SGK1: variants seen among roughly 807,000 people sequenced by gnomAD.
SGK1 encodes serum/glucocorticoid regulated kinase 1.
SGK1 carries 26 observed loss-of-function variants against 64.2 expected under a neutral mutation model. The ratio of observed to expected loss-of-function variants is 0.40; its 90% confidence interval spans 0.30 to 0.56. SGK1 has a LOEUF of 0.56. SGK1 is among the 20% of genes least tolerant of loss of function. SGK1 has a pLI of 0.38. For synonymous variants in SGK1, 265 were observed against 239.7 expected, an observed-to-expected ratio of 1.11 and a Z score of -0.98; for missense variants, 519 against 645.6, an observed-to-expected ratio of 0.80 and a Z score of 2.12.
intron 2 of SGK1, among the ~76,000 whole-genome samples, chr6:134,226,880 G>T (rs1046619148): frequency 6.6e-6 from 1 of 151,816 alleles, no homozygotes; most frequent in Non-Finnish European, 1.5e-5. Flanking sequence ...TAGAGATGGG[G>T]TCTTGCTATT....
intron 2 of SGK1, among the ~76,000 whole-genome samples, chr6:134,248,616 T>G (rs1382749381): frequency 6.6e-6 from 1 of 151,958 alleles, no homozygotes; most frequent in Non-Finnish European, 1.5e-5. Flanking sequence ...GACGCCCAGA[T>G]AGTTTTTATA....
chr6:134,170,686 G>T, intron 13 of SGK1, 140 bp downstream of exon 13: 1 of 733,710 alleles, frequency 1.4e-6, no homozygotes, highest in Non-Finnish European at 2.3e-6. Flanking sequence ...ACAAAAATGT[G>T]CTTTTTATGT....
At chr6:134,227,740 G>T (rs910200750) in intron 2 of SGK1, among the ~76,000 whole-genome samples, 7 of 152,276 alleles carry the variant, frequency 4.6e-5, no homozygotes, top group Admixed American at 3.9e-4. Context: ...AGTAAATGCA[G>T]TTAGCTTTTA....
At chr6:134,246,146 C>CT (rs931845843) in intron 2 of SGK1, among the ~76,000 whole-genome samples, 3 of 151,068 alleles carry the variant, frequency 2.0e-5, no homozygotes, top group South Asian at 4.2e-4. Flanking sequence ...TGTTTCTTTT[C>CT]TTTTTTTTCT....
chr6:134,297,190 G>A, intron 1 of SGK1: 1 of 768,590 alleles, frequency 1.3e-6, no homozygotes, highest in South Asian at 1.3e-5. Flanking sequence ...GTCTTCGTAT[G>A]GATACTCACA....
Position 134,314,217 on chromosome 6 carries a change from A to G in SGK1, c.69+3175T>C, listed in dbSNP as rs532825909. ...CATCCGGACTGTCTTTCTTCAGATT[A>G]TGTTCCTAGAATCTGGGTTCCCCAG... is the stretch of plus-strand genomic sequence containing the variant. On this transcript the variant is annotated intron_variant, in intron 1 of 13. Transcript: ENST00000367858. Among the ~76,000 whole-genome samples, 73 of 152,194 alleles carry G rather than the reference A, an allele frequency of 4.8e-4. No homozygotes were observed. In the South Asian group the frequency reaches 8.3e-3, roughly 17 times the overall value.
chr6:134,283,873 CAAAAAAAAAAAAAAAAA>C lies in SGK1; in HGVS notation c.70-21742_70-21726del, dbSNP rs35999916. On this transcript the variant is annotated intron_variant, in intron 1 of 13. Transcript: ENST00000367858. ...ACAAGACGCTGTCCCCTGCCACCAC[CAAAAAAAAAAAAAAAAA>C]AAAAAAAAAAAAAAAAGCCTGACCA... Among the ~76,000 whole-genome samples, 5 of 26,152 alleles carry C rather than the reference CAAAAAAAAAAAAAAAAA, an allele frequency of 1.9e-4. No homozygotes were observed. The Admixed American group carries it at 2.8e-3, about 15-fold the overall frequency. The allele number at this position is 26,152 out of a possible 152,430, so 17.2% of individuals were successfully genotyped here. A position where few individuals can be genotyped will look rare whatever the true frequency, so the allele number is the denominator to read the frequency against.
chr6:134,174,877 G>A (rs1409344554), intron 3 of SGK1: 4 of 1,604,742 alleles, frequency 2.5e-6, no homozygotes, highest in African/African-American at 2.7e-5. Context: ...GCCAGGCCGC[G>A]CGCTCGGCCT....
intron 1 of SGK1, among the ~76,000 whole-genome samples, chr6:134,274,771 T>C (rs192484948): frequency 2.8e-4 from 42 of 151,644 alleles, no homozygotes; most frequent in African/African-American, 8.0e-4. Context: ...ATTCCTTAAA[T>C]GGTATTGCCC....
At chr6:134,315,120 T>C (rs1777659519) in intron 1 of SGK1, among the ~76,000 whole-genome samples, 1 of 152,118 alleles carries the variant, frequency 6.6e-6, no homozygotes, top group Non-Finnish European at 1.5e-5. Context: ...ACATATTGTT[T>C]AACTAAAAAC....
At chr6:134,241,498 GAT>G (rs1776445989) in intron 2 of SGK1, among the ~76,000 whole-genome samples, 1 of 151,488 alleles carries the variant, frequency 6.6e-6, no homozygotes, top group Non-Finnish European at 1.5e-5. Flanking sequence ...CTTTTGGTCT[GAT>G]CTATCTGGGG....
chr6:134,198,726 A>ATTT (rs1178699258), intron 3 of SGK1, among the ~76,000 whole-genome samples: 8 of 101,788 alleles, frequency 7.9e-5, no homozygotes, highest in African/African-American at 2.2e-4. Flanking sequence ...CTCTTTTTCT[A>ATTT]TTTTTTTTTT....
chr6:134,180,842 C>T (rs896691152), intron 3 of SGK1, among the ~76,000 whole-genome samples: 9 of 148,004 alleles, frequency 6.1e-5, no homozygotes, highest in Non-Finnish European at 1.0e-4. Context: ...ACTGCACTCT[C>T]GCCGGGGCAA....
intron 1 of SGK1, among the ~76,000 whole-genome samples, chr6:134,277,360 C>CA (rs894323656): frequency 2.0e-5 from 3 of 151,786 alleles, no homozygotes; most frequent in Admixed American, 1.3e-4. Flanking sequence ...ACCGAACCAA[C>CA]AAAAAAAGGA....
chr6:134,244,321 T>C (rs1017711843), intron 2 of SGK1, among the ~76,000 whole-genome samples: 2 of 152,230 alleles, frequency 1.3e-5, no homozygotes, highest in African/African-American at 2.4e-5. Flanking sequence ...TATGGCTGCA[T>C]AGTATTCCAT....
At chr6:134,182,450 T>C (rs1194447013) in intron 3 of SGK1, among the ~76,000 whole-genome samples, 1 of 151,238 alleles carries the variant, frequency 6.6e-6, no homozygotes, top group Non-Finnish European at 1.5e-5. Flanking sequence ...GAGCTGGGAT[T>C]ATGCCACTGC....
intron 7 of SGK1, 44 bp from the exon 8 acceptor site, chr6:134,173,198 G>C: frequency 6.2e-7 from 1 of 1,609,702 alleles, no homozygotes; most frequent in Non-Finnish European, 8.5e-7. Flanking sequence ...TTTCAACTTG[G>C]CACCAACATT....
At chr6:134,192,305 A>G (rs1029985855) in intron 3 of SGK1, among the ~76,000 whole-genome samples, 20 of 152,022 alleles carry the variant, frequency 1.3e-4, no homozygotes, top group African/African-American at 3.6e-4. Flanking sequence ...GCTGACTGCC[A>G]CGCTCATTTA....
chr6:134,216,117 AGGT>A (rs1775977634), intron 2 of SGK1, among the ~76,000 whole-genome samples: 1 of 152,324 alleles, frequency 6.6e-6, no homozygotes, highest in Non-Finnish European at 1.5e-5. Flanking sequence ...CAGTTTTCTC[AGGT>A]TGAAATGTTA....
Sources: gnomAD v4.1 joint callset for allele counts (sites outside exome capture counted in the v4.1 genomes callset) on GRCh38, gnomAD v4.1.1 for gene constraint, MANE v1.5 for transcripts, NCBI Gene and HGNC (gene_info 2026-07-23, HGNC 2026-07-21) for gene names.